The following SAMTOR variants were observed in gnomAD, a reference collection of about 807,000 sequenced individuals.
The protein encoded by SAMTOR is S-adenosylmethionine sensor upstream of mTORC1.
At chr7:112,922,897 C>CA in the SAMTOR span, among the ~76,000 whole-genome samples, 1 of 142,500 alleles carries the variant, frequency 7.0e-6, no homozygotes, top group African/African-American at 2.7e-5. Context: ...CAGCCCCCCC[C>CA]CCCCGGGCCA....
the SAMTOR span, among the ~76,000 whole-genome samples, chr7:112,886,806 G>A: frequency 6.6e-6 from 1 of 152,186 alleles, no homozygotes; most frequent in Non-Finnish European, 1.5e-5. Flanking sequence ...AAGAAATTTA[G>A]TACCAATTTG....
the SAMTOR span, among the ~76,000 whole-genome samples, chr7:112,893,363 G>C: frequency 2.6e-5 from 4 of 152,202 alleles, no homozygotes; most frequent in Admixed American, 6.5e-5. Context: ...ATCATCACTT[G>C]CTGCTTCACC....
chr7:112,886,613 C>A, the SAMTOR span, among the ~76,000 whole-genome samples: 1 of 152,156 alleles, frequency 6.6e-6, no homozygotes, highest in Non-Finnish European at 1.5e-5. Flanking sequence ...ATGTTTGAGC[C>A]GTACAAAGTC....
chr7:112,870,316 G>A, the SAMTOR span, among the ~76,000 whole-genome samples: 1 of 152,098 alleles, frequency 6.6e-6, no homozygotes, highest in Non-Finnish European at 1.5e-5. Context: ...AACCCATCTG[G>A]CTAACAATAG....
chr7:112,913,780 G>GGGCT, the SAMTOR span, among the ~76,000 whole-genome samples: 3 of 148,958 alleles, frequency 2.0e-5, no homozygotes, highest in Non-Finnish European at 4.4e-5. Flanking sequence ...AGACTTGGTA[G>GGGCT]GGCTGGCTTA....
At chr7:112,869,269 G>A in the SAMTOR span, among the ~76,000 whole-genome samples, 5 of 152,080 alleles carry the variant, frequency 3.3e-5, no homozygotes, top group Admixed American at 3.3e-4. Flanking sequence ...GTGCTGTGCA[G>A]GCCTCTCCAG....
At chr7:112,933,475 G>T in the SAMTOR span, among the ~76,000 whole-genome samples, 1 of 152,162 alleles carries the variant, frequency 6.6e-6, no homozygotes, top group Admixed American at 6.5e-5. Flanking sequence ...ACACAGTGGT[G>T]CAGCGAGACT....
chr7:112,839,915 A>G, the SAMTOR span, among the ~76,000 whole-genome samples: 1 of 151,856 alleles, frequency 6.6e-6, no homozygotes, highest in Admixed American at 6.6e-5. Flanking sequence ...CTAAAGCCTC[A>G]TGTTTTGGAT....
At chr7:112,867,258 C>T in the SAMTOR span, among the ~76,000 whole-genome samples, 1 of 152,202 alleles carries the variant, frequency 6.6e-6, no homozygotes, top group South Asian at 2.1e-4. Flanking sequence ...AGTGAATTTT[C>T]AACCTCTCAA....
At chr7:112,831,261 A>G in the SAMTOR span, among the ~76,000 whole-genome samples, 1 of 152,226 alleles carries the variant, frequency 6.6e-6, no homozygotes, top group Non-Finnish European at 1.5e-5. Flanking sequence ...ATTCTGGAAA[A>G]AAGTCTTTTT....
chr7:112,902,230 C>A, the SAMTOR span, among the ~76,000 whole-genome samples: 2 of 151,170 alleles, frequency 1.3e-5, no homozygotes, highest in East Asian at 3.9e-4. Context: ...TGGAGAAATC[C>A]GTGTCTACTA....
the SAMTOR span, among the ~76,000 whole-genome samples, chr7:112,903,840 G>A: frequency 2.0e-5 from 3 of 152,186 alleles, no homozygotes; most frequent in Non-Finnish European, 2.9e-5. Flanking sequence ...TAAGATGGGT[G>A]AACTCAGAGA....
chr7:112,923,347 C>T, the SAMTOR span, among the ~76,000 whole-genome samples: 1 of 152,034 alleles, frequency 6.6e-6, no homozygotes, highest in Non-Finnish European at 1.5e-5. Flanking sequence ...CTGCGGAAGG[C>T]TGCAGGGTCC....
chr7:112,912,451 G>A, the SAMTOR span, among the ~76,000 whole-genome samples: 1 of 151,840 alleles, frequency 6.6e-6, no homozygotes, highest in Non-Finnish European at 1.5e-5. Context: ...ATTCCCATAA[G>A]TTTTAAGTAT....
At chr7:112,867,345 T>C in the SAMTOR span, among the ~76,000 whole-genome samples, 2 of 152,218 alleles carry the variant, frequency 1.3e-5, no homozygotes, top group Non-Finnish European at 1.5e-5. Context: ...TTAAAGAACA[T>C]GTATAACTAC....
At chr7:112,882,782 A>G in the SAMTOR span, among the ~76,000 whole-genome samples, 95 of 151,784 alleles carry the variant, frequency 6.3e-4, no homozygotes, top group Admixed American at 1.4e-3. Flanking sequence ...AAAAAAAAAA[A>G]AAAAGAAAAG....
chr7:112,939,479 A>AC, the SAMTOR span: 1 of 1,495,268 alleles, frequency 6.7e-7, no homozygotes, highest in Non-Finnish European at 9.0e-7. Context: ...GGCTGGGGGG[A>AC]CGTGCAGATC....
At chr7:112,866,722 A>G in the SAMTOR span, among the ~76,000 whole-genome samples, 1 of 152,350 alleles carries the variant, frequency 6.6e-6, no homozygotes, top group South Asian at 2.1e-4. Flanking sequence ...GAAGGTTTAG[A>G]AAGCCAAAGA....
At chr7:112,854,273 A>T in the SAMTOR span, among the ~76,000 whole-genome samples, 2 of 152,124 alleles carry the variant, frequency 1.3e-5, no homozygotes, top group African/African-American at 4.8e-5. Context: ...TGAAATACTG[A>T]CTGGTTAAAG....
Sources: allele counts gnomAD v4.1 joint callset (sites outside exome capture counted in the v4.1 genomes callset), GRCh38; gene constraint gnomAD v4.1.1; transcripts MANE v1.5; gene names NCBI Gene and HGNC (gene_info 2026-07-23, HGNC 2026-07-21).